BRAF: variants seen among roughly 807,000 people sequenced by gnomAD.
BRAF encodes serine/threonine-protein kinase B-raf.
BRAF carries 16 observed loss-of-function variants against 104.6 expected under a neutral mutation model. That is an observed-to-expected ratio of 0.15 (90% CI 0.10 to 0.23). BRAF has a LOEUF of 0.23. BRAF is among the 10% of genes least tolerant of loss of function. BRAF has a pLI of 1.00. For missense variants in BRAF, 541 were observed against 937.3 expected (o/e 0.58, Z 5.52); for synonymous variants, 310 against 341.6 (o/e 0.91, Z 1.02).
intron 15 of BRAF, 142 bp from the exon 15 acceptor site, chr7:140,753,535 T>G (rs966715027): frequency 1.6e-6 from 1 of 617,090 alleles, no homozygotes. Flanking sequence ...TCTTTCCTCT[T>G]AGAGTCAATA....
chr7:140,719,688 A>G lies in BRAF; in HGVS notation c.*6806T>C. 9.4e-7 allele frequency: 1 copy of G among 1,060,054 alleles called. No homozygotes were observed. The highest frequency in any genetic ancestry group is 1.1e-6 in the Non-Finnish European group (1 of 875,002). The allele number at this position is 1,060,054 out of a possible 1,614,324, so 65.7% of individuals were successfully genotyped here. A position where few individuals can be genotyped will look rare whatever the true frequency, so the allele number is the denominator to read the frequency against. On this transcript the variant is annotated 3_prime_UTR_variant, in exon 20 of 20. Transcript: ENST00000644969. ...AAAAGAGGGAGACATCATCCATTTG[A>G]CTGAAAATAAATGTCTTTTTTATGA...
chr7:140,805,034 G>T (rs961895266), intron 5 of BRAF, among the ~76,000 whole-genome samples: 4 of 151,992 alleles, frequency 2.6e-5, no homozygotes, highest in African/African-American at 9.7e-5. Flanking sequence ...GAACTCTTGG[G>T]CTCAAGTGAT....
In BRAF at chr7:140,924,096, G is replaced by A. The variant is rs1818571665; in HGVS notation, c.138+470C>T. On this transcript the variant is annotated intron_variant, in intron 1 of 19. Coordinates refer to ENST00000644969, the MANE Select transcript of BRAF (RefSeq NM_001374258.1). This position sits in a 1 kb window ranked among gnomAD's most constrained non-coding sequence, Gnocchi z 4.2. The stretch of plus-strand genomic sequence containing the variant: ...AAGGGGGGCAGTCCGGGAGAGGAGA[G>A]AGGAAATGATGAGCCCCATCATCCC... 6.6e-6 allele frequency among the ~76,000 whole-genome samples: 1 copy of A among 152,114 alleles called. No individual in the cohort carries two copies. The highest frequency in any genetic ancestry group is 2.4e-5 in the African/African-American group (1 of 41,426).
rs191257103 is a variant in BRAF, at chr7:140,829,889, C to T, written c.504+4720G>A. On this transcript the variant is annotated intron_variant, in intron 3 of 19. Transcript: ENST00000644969. ...TTATGTCTGTGAATACATCTTCCCT[C>T]TATTTTTGTTTGCTTCTTTATTAAA... Among the ~76,000 whole-genome samples the T allele has an allele frequency of 1.7e-3, 259 of 152,314 alleles. 2 individuals carry two copies. Among genetic ancestry groups the T allele is most frequent in the African/African-American group, 4.9e-3 (204 of 41,572 alleles).
chr7:140,830,857 G>T (rs1806654690), intron 3 of BRAF, among the ~76,000 whole-genome samples: 1 of 152,108 alleles, frequency 6.6e-6, no homozygotes, highest in Non-Finnish European at 1.5e-5. Flanking sequence ...CTTCCATCTG[G>T]CTGTTCGTCT....
chr7:140,765,607 A>G (rs1044800410), intron 14 of BRAF, among the ~76,000 whole-genome samples: 2 of 152,154 alleles, frequency 1.3e-5, no homozygotes, highest in African/African-American at 4.8e-5. Flanking sequence ...TTACAAGAAA[A>G]AAACAAACAA....
chr7:140,884,427 ATATGTGTGTGTGTG>A lies in BRAF; in HGVS notation c.139-34229_139-34216del, dbSNP rs991871434. Among the ~76,000 whole-genome samples, 7 of 114,578 alleles carry A rather than the reference ATATGTGTGTGTGTG, an allele frequency of 6.1e-5. No individual in the cohort carries two copies. The South Asian group carries it at 1.4e-3, about 22-fold the overall frequency. 75.2% of individuals were successfully genotyped at this position (114,578 alleles called of 152,430 possible). On this transcript the variant is annotated intron_variant, in intron 1 of 19. Coordinates refer to ENST00000644969, the MANE Select transcript of BRAF (RefSeq NM_001374258.1). ...TCAGGATCTCTTATATATATATAAG[ATATGTGTGTGTGTG>A]TGTGTGTGTGTGTGTGTGTGTGTGT...
intron 3 of BRAF, among the ~76,000 whole-genome samples, chr7:140,828,517 A>G (rs1267622): frequency 0.41 from 62,732 of 152,078 alleles, 18,135 homozygotes; most frequent in African/African-American, 0.83. Flanking sequence ...TTGCAATGTG[A>G]TATACATAAA....
chr7:140,728,680 T>C (rs1425287725), intron 19 of BRAF, among the ~76,000 whole-genome samples: 1 of 152,200 alleles, frequency 6.6e-6, no homozygotes, highest in African/African-American at 2.4e-5. Context: ...GCTTACAGTT[T>C]GAGTACTTAT....
At chr7:140,911,850 T>C (rs1325331915) in intron 1 of BRAF, among the ~76,000 whole-genome samples, 1 of 152,200 alleles carries the variant, frequency 6.6e-6, no homozygotes, top group East Asian at 1.9e-4. Flanking sequence ...AGTAATAAAT[T>C]CATGTTCTAT....
At chr7:140,888,186 T>C (rs906247057) in intron 1 of BRAF, among the ~76,000 whole-genome samples, 2 of 152,164 alleles carry the variant, frequency 1.3e-5, no homozygotes, top group Non-Finnish European at 2.9e-5. Flanking sequence ...GCATTTAATA[T>C]TTACACAGGC....
chr7:140,842,927 T>C (rs1276321456), intron 2 of BRAF, among the ~76,000 whole-genome samples: 1 of 152,202 alleles, frequency 6.6e-6, no homozygotes, highest in Non-Finnish European at 1.5e-5. Flanking sequence ...GATGGTGGTG[T>C]AACCAATTTC....
At chr7:140,837,034 TC>T (rs1468536899) in intron 2 of BRAF, among the ~76,000 whole-genome samples, 1 of 152,196 alleles carries the variant, frequency 6.6e-6, no homozygotes, top group African/African-American at 2.4e-5. Context: ...AACTATCACT[TC>T]ACCACATCTA....
chr7:140,815,942 T>C (rs1804834910), intron 3 of BRAF, among the ~76,000 whole-genome samples: 2 of 152,212 alleles, frequency 1.3e-5, no homozygotes, highest in African/African-American at 2.4e-5. Flanking sequence ...CATTTTTTAC[T>C]GCTAAATTGC....
At chr7:140,714,969 G>T (rs979761695), downstream of BRAF, among the ~76,000 whole-genome samples, 1 of 152,126 alleles carries the variant, frequency 6.6e-6, no homozygotes, top group African/African-American at 2.4e-5. Flanking sequence ...GTCTCGCATG[G>T]GACCACAGTC....
At chr7:140,814,921 A>C (rs1673792627) in intron 3 of BRAF, among the ~76,000 whole-genome samples, 2 of 150,666 alleles carry the variant, frequency 1.3e-5, no homozygotes, top group South Asian at 4.2e-4. Flanking sequence ...TATATGTTTA[A>C]TTCTTTGAGA....
At chr7:140,913,787 C>T (rs1817286006) in intron 1 of BRAF, among the ~76,000 whole-genome samples, 1 of 151,926 alleles carries the variant, frequency 6.6e-6, no homozygotes, top group South Asian at 2.1e-4. Flanking sequence ...CGGCCAACCA[C>T]AGCTTTTAAA....
At chr7:140,716,478 G>A (rs1795132462), downstream of BRAF, among the ~76,000 whole-genome samples, 1 of 152,158 alleles carries the variant, frequency 6.6e-6, no homozygotes, top group Non-Finnish European at 1.5e-5. Context: ...GTGACCCTGG[G>A]ATCCCAGTTT....
chr7:140,723,220 C>T lies in BRAF; in HGVS notation c.*3274G>A, dbSNP rs1795408747. The T allele has an allele frequency of 9.5e-7, 1 of 1,054,186 alleles. No homozygotes were observed. The highest frequency in any genetic ancestry group is 1.1e-6 in the Non-Finnish European group (1 of 872,572). The allele number at this position is 1,054,186 out of a possible 1,614,324, so 65.3% of individuals were successfully genotyped here. ...AGGATGTGCAGCAGCTCGCACTCCG[C>T]CTGGTGAATACAAGGTAACATCCTG... On this transcript the variant is annotated 3_prime_UTR_variant, in exon 20 of 20. Transcript: ENST00000644969.
Sources: allele counts gnomAD v4.1 joint callset (sites outside exome capture counted in the v4.1 genomes callset), GRCh38; gene constraint gnomAD v4.1.1; non-coding constraint Gnocchi (gnomAD v3.1); transcripts MANE v1.5; gene names NCBI Gene and HGNC (gene_info 2026-07-23, HGNC 2026-07-21).